The following NALCN variants were observed in gnomAD, a reference collection of about 807,000 sequenced individuals.
NALCN encodes sodium leak channel, non-selective.
A neutral mutation model predicts 225.3 loss-of-function variants in NALCN; 111 were observed. That is an observed-to-expected ratio of 0.49 (90% CI 0.42 to 0.58). The LOEUF is 0.58. Among genes scored for constraint, NALCN ranks in the 20% least tolerant of loss-of-function variants. The pLI, the probability that NALCN is intolerant of heterozygous loss-of-function variation, is 0.00. For missense variants in NALCN, 1,378 were observed against 2,202.4 expected, an observed-to-expected ratio of 0.63 and a Z score of 7.49; for synonymous variants, 764 against 769.0, an observed-to-expected ratio of 0.99 and a Z score of 0.11.
At chr13:101,096,875 T>C (rs965882975) in intron 27 of NALCN, among the ~76,000 whole-genome samples, 1 of 152,216 alleles carries the variant, frequency 6.6e-6, no homozygotes, top group African/African-American at 2.4e-5. Flanking sequence ...GGGTTCAAGG[T>C]GTAGATGGTA....
intron 14 of NALCN, among the ~76,000 whole-genome samples, chr13:101,190,992 T>C (rs1234088145): frequency 6.6e-6 from 1 of 152,242 alleles, no homozygotes; most frequent in Non-Finnish European, 1.5e-5. Context: ...TAAACTCTTC[T>C]GAGTATCAGT....
rs1187815629 is a variant in NALCN, at chr13:101,156,420, A to G, written c.1840-11524T>C. Among the ~76,000 whole-genome samples the G allele has an allele frequency of 7.2e-5, 11 of 152,182 alleles. No homozygotes were observed. The East Asian group carries it at 2.1e-3, about 29-fold the overall frequency. ...CTCCCTCAGCAGAAAGAGCGGGGAA[A>G]TACATGTATGTATACTAACTCATGT... On this transcript the variant is annotated intron_variant, in intron 15 of 43. Coordinates refer to ENST00000251127, the MANE Select transcript of NALCN (RefSeq NM_052867.4).
chr13:101,404,985 T>C (rs2047575859), intron 1 of NALCN, among the ~76,000 whole-genome samples: 1 of 152,248 alleles, frequency 6.6e-6, no homozygotes, highest in African/African-American at 2.4e-5. Context: ...AAGACACATG[T>C]ATTTGATGTT....
At chr13:101,216,830 G>A (rs753181290) in intron 13 of NALCN, among the ~76,000 whole-genome samples, 13 of 151,954 alleles carry the variant, frequency 8.6e-5, no homozygotes, top group Non-Finnish European at 1.6e-4. Flanking sequence ...TGCTTCTATC[G>A]TGCAATAACT....
chr13:101,198,491 G>T (rs1465915806), intron 13 of NALCN, among the ~76,000 whole-genome samples: 2 of 152,138 alleles, frequency 1.3e-5, no homozygotes, highest in Non-Finnish European at 2.9e-5. Flanking sequence ...GATTTGAACA[G>T]ACACTTTTCA....
chr13:101,088,326 G>A (rs367892763), intron 30 of NALCN, among the ~76,000 whole-genome samples: 1 of 152,116 alleles, frequency 6.6e-6, no homozygotes, highest in Admixed American at 6.5e-5. Flanking sequence ...CCCATGTGTA[G>A]CAACACAAAC....
chr13:101,062,220 T>C, intron 40 of NALCN, 102 bp from the exon 41 acceptor site: 3 of 1,395,052 alleles, frequency 2.2e-6, no homozygotes, highest in Non-Finnish European at 2.9e-6. Context: ...GTCTAATAAG[T>C]CTAGTGTTTT....
At chr13:101,383,770 G>A (rs1419271609) in intron 3 of NALCN, among the ~76,000 whole-genome samples, 1 of 152,128 alleles carries the variant, frequency 6.6e-6, no homozygotes, top group Non-Finnish European at 1.5e-5. Flanking sequence ...ATTATGAGAT[G>A]ACTTATGGAT....
intron 6 of NALCN, among the ~76,000 whole-genome samples, chr13:101,349,780 A>G (rs1168874398): frequency 1.3e-5 from 2 of 152,136 alleles, no homozygotes; most frequent in Non-Finnish European, 2.9e-5. Flanking sequence ...CATCCTTTAC[A>G]TCGTTGTAGA....
intron 4 of NALCN, 147 bp downstream of exon 4, chr13:101,378,423 G>C (rs991762841): frequency 3.5e-5 from 22 of 623,090 alleles, no homozygotes; most frequent in Admixed American, 2.4e-4. Flanking sequence ...AATCACATCT[G>C]TTAAAATAAA....
In NALCN at chr13:101,216,456, G is replaced by T. The variant is rs141985644; in HGVS notation, c.1626+12937C>A. Among the ~76,000 whole-genome samples the T allele has an allele frequency of 2.0e-5, 3 of 152,080 alleles. No homozygotes were observed. The East Asian group carries it at 5.8e-4, about 29-fold the overall frequency. On this transcript the variant is annotated intron_variant, in intron 13 of 43. Transcript: ENST00000251127. ...AGGAAGAGGCACCCAGGGACTTCAG[G>T]TCTATTGCAATTTAGTGTTTGTTAA...
At chr13:101,062,527 G>T (rs575834032) in intron 40 of NALCN, among the ~76,000 whole-genome samples, 1 of 152,070 alleles carries the variant, frequency 6.6e-6, no homozygotes, top group African/African-American at 2.4e-5. Context: ...TCGGCTGTGC[G>T]TCACACATCC....
At chr13:101,398,490 C>G (rs1459173362) in intron 2 of NALCN, among the ~76,000 whole-genome samples, 2 of 152,184 alleles carry the variant, frequency 1.3e-5, no homozygotes, top group African/African-American at 4.8e-5. Context: ...TTCTGGCACA[C>G]AGTCGTGCCT....
chr13:101,081,410 T>C (rs2033642426), intron 34 of NALCN, 117 bp downstream of exon 34: 1 of 1,437,878 alleles, frequency 7.0e-7, no homozygotes, highest in African/African-American at 1.4e-5. Context: ...TTTAGGGAGG[T>C]CCATCTAACA....
intron 7 of NALCN, among the ~76,000 whole-genome samples, chr13:101,294,684 G>A (rs369271657): frequency 2.6e-4 from 40 of 150,986 alleles, no homozygotes; most frequent in East Asian, 2.3e-3. Flanking sequence ...TGAGGGTGGG[G>A]GTAGTTTAGT....
intron 6 of NALCN, among the ~76,000 whole-genome samples, chr13:101,355,947 C>T (rs534425743): frequency 1.3e-5 from 2 of 152,260 alleles, no homozygotes; most frequent in South Asian, 4.1e-4. Flanking sequence ...TGCTGAATGA[C>T]TCCTGAGTAA....
intron 13 of NALCN, among the ~76,000 whole-genome samples, chr13:101,199,456 A>C (rs1014510481): frequency 6.6e-6 from 1 of 151,902 alleles, no homozygotes; most frequent in Non-Finnish European, 1.5e-5. Context: ...ACACAATGGA[A>C]TACTATGCAG....
At chr13:101,124,563 A>C in intron 18 of NALCN, 45 bp downstream of exon 18, 4 of 1,511,372 alleles carry the variant, frequency 2.6e-6, no homozygotes, top group Non-Finnish European at 3.7e-6. Flanking sequence ...CGATTAATAT[A>C]ATCCCACTTG....
intron 6 of NALCN, among the ~76,000 whole-genome samples, chr13:101,350,298 T>C (rs2045872284): frequency 6.6e-6 from 1 of 152,138 alleles, no homozygotes; most frequent in Non-Finnish European, 1.5e-5. Context: ...TCTGACCACG[T>C]TGGCCTTCTC....
Sources: allele counts gnomAD v4.1 joint callset (sites outside exome capture counted in the v4.1 genomes callset), GRCh38; gene constraint gnomAD v4.1.1; transcripts MANE v1.5; gene names NCBI Gene and HGNC (gene_info 2026-07-23, HGNC 2026-07-21).